Variants in DDX60L observed in about 807,000 individuals in gnomAD.
DDX60L encodes the protein DExD/H-box 60 like.
A neutral mutation model predicts 211.6 loss-of-function variants in DDX60L; 191 were observed. The observed-to-expected ratio is 0.90, with a 90% CI of 0.80 to 1.02. The LOEUF (loss-of-function observed/expected upper bound fraction) is 1.02, where lower values mean the gene tolerates loss of function less well. DDX60L is among the 50% of genes least tolerant of loss of function. The pLI is 0.00. For missense variants in DDX60L, 2,007 were observed against 1,984.1 expected (o/e 1.01, Z -0.22); for synonymous variants, 706 against 694.1 (o/e 1.02, Z -0.27).
Position 168,415,765 on chromosome 4 carries a change from C to A in DDX60L, c.2761G>T (p.Ala921Ser). ...CATTTCTCTTCCATAATCTTGTCTG[C>A]CTGTTTCCAGTACTGTTTTACTGAT... is the stretch of plus-strand genomic sequence containing the variant. ...LQSVKQYWKQ[A>S]DKIMEEKCIS... The change falls in exon 21 of 38, where the codon GCA (alanine) becomes TCA (serine). Residue 921 changes from alanine to serine, a missense_variant. Coordinates refer to ENST00000682922, the MANE Select transcript of DDX60L (RefSeq NM_001012967.3). 1.3e-6 allele frequency: 2 copies of A among 1,582,918 alleles called. 1 individual carries two copies. The highest frequency in any genetic ancestry group is 2.3e-5 in the South Asian group (2 of 86,268).
chr4:168,378,321 T>A, intron 33 of DDX60L, 33 bp downstream of exon 33: 1 of 1,217,288 alleles, frequency 8.2e-7, no homozygotes, highest in Non-Finnish European at 1.2e-6. Flanking sequence ...ATAACTATCA[T>A]TATTATATCA....
chr4:168,396,124 GCTA>G lies in DDX60L; in HGVS notation c.3492-3_3492-1del. The G allele has an allele frequency of 3.0e-6, 4 of 1,339,980 alleles. 1 individual carries two copies. The highest frequency in any genetic ancestry group is 3.1e-5 in the South Asian group (2 of 65,524). The allele number at this position is 1,339,980 out of a possible 1,614,324, so 83.0% of individuals were successfully genotyped here. A position where few individuals can be genotyped will look rare whatever the true frequency, so the allele number is the denominator to read the frequency against. ...CAGCCTTCTTTGGGTTTTTTTTAGT[GCTA>G]CTATTTAAAAAAAAAAAAAAACTTT... On this transcript the variant is annotated splice_acceptor_variant and splice_polypyrimidine_tract_variant and intron_variant, in intron 26 of 37. Transcript: ENST00000682922. LOFTEE classifies it high-confidence loss of function.
chr4:168,385,636 G>A (rs950920829), intron 29 of DDX60L, among the ~76,000 whole-genome samples: 2 of 152,088 alleles, frequency 1.3e-5, no homozygotes, highest in Non-Finnish European at 2.9e-5. Flanking sequence ...GCTATCTTCA[G>A]GTAGGTAATG....
rs1226014867 is a variant in DDX60L at position 168,442,571 on chromosome 4, G to T, written c.1139-1079C>A. ...GCCTCTGTAGGCTCCACCTCTGGGGGCAGGGCACAGACAAAGAAAAAGGCA... is the reference window on the plus strand; with the variant it reads ...GCCTCTGTAGGCTCCACCTCTGGGGTCAGGGCACAGACAAAGAAAAAGGCA... On this transcript the variant is annotated intron_variant, in intron 9 of 37. Coordinates refer to ENST00000682922, the MANE Select transcript of DDX60L (RefSeq NM_001012967.3). Among the ~76,000 whole-genome samples the T allele has an allele frequency of 7.0e-3, 1,064 of 151,820 alleles. 13 individuals carry two copies. The highest frequency in any genetic ancestry group is 0.024 in the African/African-American group (1,006 of 41,068).
chr4:168,362,808 C>T (rs546980140), intron 36 of DDX60L, among the ~76,000 whole-genome samples: 14 of 152,132 alleles, frequency 9.2e-5, no homozygotes, highest in East Asian at 5.8e-4. Context: ...ATTAAGAAAC[C>T]ATATAGGACT....
chr4:168,446,844 C>T (rs1754893064), intron 9 of DDX60L, among the ~76,000 whole-genome samples: 1 of 112,282 alleles, frequency 8.9e-6, no homozygotes, highest in African/African-American at 3.4e-5. Flanking sequence ...AAAGCTGAAA[C>T]TGGATCCCTT....
At chr4:168,451,542 C>T (rs1214712027) in intron 8 of DDX60L, among the ~76,000 whole-genome samples, 1 of 152,166 alleles carries the variant, frequency 6.6e-6, no homozygotes, top group African/African-American at 2.4e-5. Flanking sequence ...CTATTTGTTC[C>T]TATTGCCACC....
intron 29 of DDX60L, among the ~76,000 whole-genome samples, chr4:168,387,718 T>C (rs959872126): frequency 6.6e-6 from 1 of 152,196 alleles, no homozygotes; most frequent in East Asian, 1.9e-4. Flanking sequence ...ATCTGTGTAA[T>C]AGATTAAGCA....
Position 168,420,369 on chromosome 4 carries a change from A to G in DDX60L, c.2406T>C (p.Gly802=). 1 of 1,610,128 alleles carries G rather than the reference A, an allele frequency of 6.2e-7. No individual in the cohort carries two copies. The highest frequency in any genetic ancestry group is 8.5e-7 in the Non-Finnish European group (1 of 1,179,002). The part of the protein sequence containing the change: ...VYVAPAKSLV[G]QVAATVENRF... ...GATTCTCAACAGTTGCAGCCACTTG[A>G]CCAACAAGGGACTGATTGACAAGAA... is the stretch of plus-strand genomic sequence containing the variant. Residue 802 remains glycine (G), a synonymous_variant, in exon 18 of 38, where the codon GGT becomes GGC. Coordinates refer to ENST00000682922, the MANE Select transcript of DDX60L (RefSeq NM_001012967.3).
At chr4:168,424,448 T>C (rs1167974513) in intron 14 of DDX60L, among the ~76,000 whole-genome samples, 1 of 152,210 alleles carries the variant, frequency 6.6e-6, no homozygotes, top group East Asian at 1.9e-4. Flanking sequence ...TCCTCTTTCT[T>C]AACAAATACT....
rs1751013887 is a variant in DDX60L at position 168,423,702 on chromosome 4, G to T, written c.2003C>A (p.Pro668Gln). The change falls in exon 15 of 38, where the codon CCA (proline) becomes CAA (glutamine). Residue 668 changes from proline to glutamine, a missense_variant. Transcript: ENST00000682922. ...KRIHSLLERY[P>Q]EILEAEHHQY... Reference sequence around the variant, plus strand: ...ATGATGTTCTGCTTCCAAAATTTCTGGGTATCTCTCCAGGAGTGAATGAAT... The same window carrying T: ...ATGATGTTCTGCTTCCAAAATTTCTTGGTATCTCTCCAGGAGTGAATGAAT... The T allele has an allele frequency of 1.2e-6, 2 of 1,608,012 alleles. No individual in the cohort carries two copies. Among genetic ancestry groups the T allele is most frequent in the South Asian group, 1.1e-5 (1 of 89,966 alleles).
chr4:168,406,939 A>C (rs534874113), intron 22 of DDX60L, among the ~76,000 whole-genome samples: 124 of 152,306 alleles, frequency 8.1e-4, no homozygotes, highest in Non-Finnish European at 1.6e-3. Flanking sequence ...AATAAGTTTC[A>C]GTACTATTTC....
chr4:168,474,077 T>C (rs1158813364), intron 1 of DDX60L, among the ~76,000 whole-genome samples: 2 of 152,204 alleles, frequency 1.3e-5, no homozygotes, highest in African/African-American at 4.8e-5. Context: ...TAGGCTTTGC[T>C]GCACTCTAGG....
chr4:168,410,197 CA>C (rs1748446053), intron 22 of DDX60L, among the ~76,000 whole-genome samples: 1 of 151,892 alleles, frequency 6.6e-6, no homozygotes, highest in Admixed American at 6.6e-5. Context: ...TTAAAAAGTA[CA>C]AATAATAAGT....
rs540253418 is a variant in DDX60L at position 168,406,689 on chromosome 4, G to T, written c.2997C>A (p.Phe999Leu). 2.9e-5 allele frequency: 46 copies of T among 1,597,436 alleles called. No individual in the cohort carries two copies. The South Asian group carries it at 4.8e-4, about 17-fold the overall frequency. The change falls in exon 23 of 38, where the codon TTC becomes TTA. Residue 999 changes from phenylalanine (F) to leucine (L), a missense_variant. By Grantham distance (22) the Phe-to-Leu change is conservative. Transcript: ENST00000682922. The part of the protein sequence containing the change: ...LTTDIIEKYG[F>L]PPDLTLTPQE... ...GAGGGGTGAGGGTAAGATCAGGTGG[G>T]AATCCATACTTTTCAATCTGTGAAT...
chr4:168,414,029 G>C (rs1325783983), intron 22 of DDX60L, among the ~76,000 whole-genome samples: 1 of 152,104 alleles, frequency 6.6e-6, no homozygotes, highest in Admixed American at 6.6e-5. Flanking sequence ...CTATATGTCT[G>C]GCAGCAGACT....
intron 22 of DDX60L, among the ~76,000 whole-genome samples, chr4:168,408,281 C>CAACA (rs1408507259): frequency 6.6e-6 from 1 of 152,100 alleles, no homozygotes; most frequent in Non-Finnish European, 1.5e-5. Context: ...ATCCTTACAC[C>CAACA]ACAGATTTGT....
chr4:168,372,405 T>A (rs887730700), intron 35 of DDX60L, among the ~76,000 whole-genome samples: 2 of 151,998 alleles, frequency 1.3e-5, no homozygotes, highest in Non-Finnish European at 2.9e-5. Flanking sequence ...ATGGGTAAAA[T>A]TAAACTGTGG....
At chr4:168,437,980 T>A (rs1753290769) in intron 10 of DDX60L, among the ~76,000 whole-genome samples, 1 of 152,124 alleles carries the variant, frequency 6.6e-6, no homozygotes, top group African/African-American at 2.4e-5. Flanking sequence ...TTCAAGCGAT[T>A]CTCCTGCCTC....
Sources: allele counts gnomAD v4.1 joint callset (sites outside exome capture counted in the v4.1 genomes callset), GRCh38; gene constraint gnomAD v4.1.1; transcripts MANE v1.5; gene names NCBI Gene and HGNC (gene_info 2026-07-23, HGNC 2026-07-21).